CLOCK: variants seen among roughly 807,000 people sequenced by gnomAD.
CLOCK encodes circadian locomoter output cycles protein kaput.
CLOCK carries 43 observed loss-of-function variants against 118.4 expected under a neutral mutation model. The observed-to-expected ratio is 0.36, with a 90% confidence interval of 0.28 to 0.47. The LOEUF (loss-of-function observed/expected upper bound fraction) is 0.47. Among genes scored for constraint, CLOCK ranks in the 20% least tolerant of loss-of-function variants. The probability of loss-of-function intolerance (pLI) is 1.00; values close to 1 mark genes in which losing one functional copy is unlikely to be tolerated. For missense variants in CLOCK, 846 were observed against 999.9 expected, an observed-to-expected ratio of 0.85 and a Z score of 2.08; for synonymous variants, 326 against 339.2, an observed-to-expected ratio of 0.96 and a Z score of 0.43.
intron 9 of CLOCK, among the ~76,000 whole-genome samples, chr4:55,462,015 C>G (rs1725375791): frequency 6.6e-6 from 1 of 152,114 alleles, no homozygotes; most frequent in Non-Finnish European, 1.5e-5. Flanking sequence ...TGTGTTTTAA[C>G]TTGTGTTTAT....
intron 1 of CLOCK, among the ~76,000 whole-genome samples, chr4:55,518,502 C>T (rs111544323): frequency 6.6e-6 from 1 of 152,198 alleles, no homozygotes; most frequent in African/African-American, 2.4e-5. Flanking sequence ...TATATCAGTG[C>T]TATGGTCTAA....
At position 55,536,391 on chromosome 4, in the gene CLOCK, T is replaced by C. The variant is rs567965236; in HGVS notation, c.-290+10391A>G. 2.6e-5 allele frequency among the ~76,000 whole-genome samples: 4 copies of C among 152,250 alleles called. No individual in the cohort carries two copies. In the South Asian group the frequency reaches 8.3e-4, roughly 32 times the overall value. On this transcript the variant is annotated intron_variant, in intron 1 of 22. Transcript: ENST00000513440. The stretch of plus-strand genomic sequence containing the variant: ...TAAATGTAATTCCCAATGTTGGAAG[T>C]TGGGCCCAGTAGGAGGCAACTGGAT...
intron 1 of CLOCK, among the ~76,000 whole-genome samples, chr4:55,541,950 CAA>C (rs55793804): frequency 6.1e-4 from 83 of 136,954 alleles, no homozygotes; most frequent in East Asian, 1.0e-3. Flanking sequence ...CTCCCCCCAC[CAA>C]AAAAAAAAAA....
intron 8 of CLOCK, 21 bp downstream of exon 8, chr4:55,470,696 T>C (rs369908729): frequency 2.4e-5 from 36 of 1,479,768 alleles, no homozygotes; most frequent in East Asian, 1.4e-4. Flanking sequence ...ACGAAGTAGA[T>C]TGTAGGATCT....
At chr4:55,447,539 C>T (rs1014647927) in intron 18 of CLOCK, among the ~76,000 whole-genome samples, 1 of 152,014 alleles carries the variant, frequency 6.6e-6, no homozygotes, top group Non-Finnish European at 1.5e-5. Flanking sequence ...GGAAGTAAAA[C>T]CACAGACCTA....
chr4:55,461,707 T>C (rs1725356330), intron 9 of CLOCK, among the ~76,000 whole-genome samples: 1 of 152,208 alleles, frequency 6.6e-6, no homozygotes, highest in Non-Finnish European at 1.5e-5. Context: ...GGTCTCTTTA[T>C]GAAGCAGAAG....
intron 1 of CLOCK, among the ~76,000 whole-genome samples, chr4:55,536,974 A>T (rs1233998649): frequency 6.6e-6 from 1 of 152,220 alleles, no homozygotes; most frequent in African/African-American, 2.4e-5. Context: ...GAACACTTAC[A>T]ATGATAGAAT....
chr4:55,438,638 A>G, intron 21 of CLOCK, 101 bp from the exon 22 acceptor site: 2 of 1,557,604 alleles, frequency 1.3e-6, no homozygotes, highest in Non-Finnish European at 1.7e-6. Flanking sequence ...ACCCAATGAC[A>G]TTGCCAGTTT....
At chr4:55,474,607 C>T (rs1726372620) in intron 7 of CLOCK, among the ~76,000 whole-genome samples, 2 of 152,176 alleles carry the variant, frequency 1.3e-5, no homozygotes, top group South Asian at 4.1e-4. Context: ...CTTCAAAAGA[C>T]AAGCTAACTC....
At position 55,546,437 on chromosome 4, in the gene CLOCK, CCA is replaced by C. The variant is rs1731637007; in HGVS notation, c.-290+343_-290+344del. 3 of 152,396 alleles carry C rather than the reference CCA, an allele frequency of 2.0e-5. No homozygotes were observed. The East Asian group carries it at 5.8e-4, about 30-fold the overall frequency. The allele number at this position is 152,396 out of a possible 1,614,324, so 9.4% of individuals were successfully genotyped here. ...CACCCTTGGCCGCCGCCCCCCGGCC[CCA>C]CACACGCCGCCCCCCGCTCCCTCCC... On this transcript the variant is annotated intron_variant, in intron 1 of 22. Coordinates refer to ENST00000513440, the MANE Select transcript of CLOCK (RefSeq NM_004898.4).
chr4:55,449,787 C>G (rs918697123), intron 16 of CLOCK, among the ~76,000 whole-genome samples: 4 of 150,806 alleles, frequency 2.7e-5, no homozygotes. Flanking sequence ...AAAAAGCAAA[C>G]CTAAGAACAC....
At chr4:55,453,587 G>T in intron 14 of CLOCK, 90 bp downstream of exon 14, 1 of 1,077,604 alleles carries the variant, frequency 9.3e-7, no homozygotes, top group Non-Finnish European at 1.4e-6. Context: ...GCACTTTGTA[G>T]CTCTTTAACA....
chr4:55,512,200 C>A (rs1267974872), intron 1 of CLOCK, among the ~76,000 whole-genome samples: 1 of 152,080 alleles, frequency 6.6e-6, no homozygotes, highest in Non-Finnish European at 1.5e-5. Context: ...TGCATTCTAA[C>A]CAGCAATGAA....
chr4:55,494,635 T>A (rs540010349), intron 2 of CLOCK, among the ~76,000 whole-genome samples: 142 of 152,132 alleles, frequency 9.3e-4, no homozygotes, highest in African/African-American at 3.3e-3. Context: ...AGGTGATGGG[T>A]GCACCAAAAT....
At chr4:55,467,453 G>A (rs773169329) in intron 8 of CLOCK, among the ~76,000 whole-genome samples, 15 of 152,216 alleles carry the variant, frequency 9.9e-5, no homozygotes, top group Non-Finnish European at 1.6e-4. Flanking sequence ...TACATACAAG[G>A]TAACAGTAGA....
At chr4:55,468,019 T>C (rs963826372) in intron 8 of CLOCK, among the ~76,000 whole-genome samples, 3 of 152,230 alleles carry the variant, frequency 2.0e-5, no homozygotes, top group Non-Finnish European at 4.4e-5. Context: ...TTATAAGGTA[T>C]GAAGTATCAG....
intron 1 of CLOCK, among the ~76,000 whole-genome samples, chr4:55,534,024 T>G (rs778988492): frequency 4.5e-4 from 69 of 152,258 alleles, no homozygotes; most frequent in Non-Finnish European, 7.1e-4. Context: ...TTTTCCTTTT[T>G]GCCTGTGTCT....
chr4:55,541,150 A>G (rs1731244911), intron 1 of CLOCK, among the ~76,000 whole-genome samples: 1 of 152,210 alleles, frequency 6.6e-6, no homozygotes, highest in Non-Finnish European at 1.5e-5. Flanking sequence ...CATTTGCATA[A>G]TCAAAAAAAT....
intron 2 of CLOCK, among the ~76,000 whole-genome samples, chr4:55,495,329 G>A (rs1727993346): frequency 6.6e-6 from 1 of 151,956 alleles, no homozygotes; most frequent in South Asian, 2.1e-4. Context: ...CACCTTACTT[G>A]CTCCCAGCTG....
Sources: allele counts gnomAD v4.1 joint callset (sites outside exome capture counted in the v4.1 genomes callset), GRCh38; gene constraint gnomAD v4.1.1; transcripts MANE v1.5; gene names NCBI Gene and HGNC (gene_info 2026-07-23, HGNC 2026-07-21).